Variants in VMP1 observed in about 807,000 individuals in gnomAD.
VMP1 encodes the protein vacuole membrane protein 1, also known as ectopic P-granules autophagy protein 3 homolog.
VMP1 carries 11 observed loss-of-function variants against 56.0 expected under a neutral mutation model. The observed-to-expected ratio is 0.20, with a 90% CI of 0.12 to 0.32. VMP1 has a LOEUF of 0.32. VMP1 is among the 10% of genes least tolerant of loss of function. The pLI, the probability that VMP1 is intolerant of heterozygous loss-of-function variation, is 1.00. For synonymous variants in VMP1, 149 were observed against 165.0 expected (o/e 0.90, Z 0.74); for missense variants, 296 against 490.3 (o/e 0.60, Z 3.74).
At chr17:59,814,907 G>T (rs991188524) in intron 9 of VMP1, among the ~76,000 whole-genome samples, 5 of 152,076 alleles carry the variant, frequency 3.3e-5, no homozygotes, top group Non-Finnish European at 7.4e-5. Flanking sequence ...GTAGCTTAGG[G>T]TAACAAACAT....
intron 7 of VMP1, among the ~76,000 whole-genome samples, chr17:59,785,947 C>T (rs1330905755): frequency 6.6e-6 from 1 of 151,870 alleles, no homozygotes; most frequent in Non-Finnish European, 1.5e-5. Flanking sequence ...GAAGCTAAAT[C>T]CCCAAATTAA....
At chr17:59,756,980 T>C (rs539365131) in intron 5 of VMP1, among the ~76,000 whole-genome samples, 9 of 152,280 alleles carry the variant, frequency 5.9e-5, no homozygotes, top group African/African-American at 2.2e-4. Flanking sequence ...CATGAGCCGC[T>C]GTAGTATAAA....
chr17:59,826,443 C>T (rs2038648113), intron 10 of VMP1, among the ~76,000 whole-genome samples: 1 of 152,156 alleles, frequency 6.6e-6, no homozygotes, highest in Non-Finnish European at 1.5e-5. Flanking sequence ...ATGTCTGACA[C>T]ATTTTAATTG....
rs1310049508 is a variant in VMP1 at position 59,841,140 on chromosome 17, G to A, written c.*1229G>A. ...TCAGAATAGAATAGAATTGGGGTTC[G>A]ATCTTAACAGGCCAGAAATGCCTGG... On this transcript the variant is annotated 3_prime_UTR_variant, in exon 12 of 12. Transcript: ENST00000262291. 1.1e-5 allele frequency: 3 copies of A among 282,960 alleles called. No individual in the cohort carries two copies. Among genetic ancestry groups the A allele is most frequent in the Non-Finnish European group, 2.5e-5 (3 of 122,356 alleles). The allele number at this position is 282,960 out of a possible 1,614,324, so 17.5% of individuals were successfully genotyped here.
intron 5 of VMP1, among the ~76,000 whole-genome samples, chr17:59,759,809 T>C (rs939724359): frequency 3.3e-5 from 5 of 152,104 alleles, no homozygotes; most frequent in Non-Finnish European, 7.4e-5. Context: ...AAACTGTTTG[T>C]CATATCTAAT....
At chr17:59,747,365 C>G (rs2035460331) in intron 5 of VMP1, among the ~76,000 whole-genome samples, 1 of 151,546 alleles carries the variant, frequency 6.6e-6, no homozygotes. Flanking sequence ...TAAGACCAGC[C>G]TGGGCAACAA....
chr17:59,715,024 C>A (rs2034098645), intron 1 of VMP1, among the ~76,000 whole-genome samples: 1 of 152,116 alleles, frequency 6.6e-6, no homozygotes, highest in Admixed American at 6.6e-5. Context: ...TTCTAACTAT[C>A]CTTTTACCAA....
chr17:59,789,393 G>A (rs1180490750), intron 7 of VMP1, among the ~76,000 whole-genome samples: 1 of 151,960 alleles, frequency 6.6e-6, no homozygotes, highest in Admixed American at 6.6e-5. Flanking sequence ...AAATTAGCCC[G>A]GCGTGGTGGC....
At chr17:59,802,604 C>T (rs1034308403) in intron 7 of VMP1, among the ~76,000 whole-genome samples, 2 of 152,024 alleles carry the variant, frequency 1.3e-5, no homozygotes, top group East Asian at 1.9e-4. Flanking sequence ...TTTTTTATGT[C>T]GCCCAGGCTG....
Position 59,802,741 on chromosome 17 carries a change from G to C in VMP1, c.715-6055G>C, listed in dbSNP as rs2037717771. 2.0e-5 allele frequency among the ~76,000 whole-genome samples: 3 copies of C among 151,710 alleles called. No individual in the cohort carries two copies. The South Asian group carries it at 6.3e-4, about 32-fold the overall frequency. The stretch of plus-strand genomic sequence containing the variant: ...CCACCACGCCTAGCTAATTTTCTGG[G>C]TTTGCTTTGTTTGTTTGGTTTTGAG... On this transcript the variant is annotated intron_variant, in intron 7 of 11. Transcript: ENST00000262291.
At chr17:59,710,496 C>T (rs1365769866) in intron 1 of VMP1, among the ~76,000 whole-genome samples, 1 of 152,186 alleles carries the variant, frequency 6.6e-6, no homozygotes, top group East Asian at 1.9e-4. Flanking sequence ...AGGGATCTAT[C>T]CACATACACA....
At chr17:59,739,801 T>C (rs6503938) in intron 5 of VMP1, among the ~76,000 whole-genome samples, 125,788 of 147,742 alleles carry the variant, frequency 0.85, 53,536 homozygotes, top group East Asian at 0.95. Flanking sequence ...AATGGCCAGG[T>C]GCAGTGGCTC....
intron 8 of VMP1, among the ~76,000 whole-genome samples, chr17:59,809,563 G>A (rs184056879): frequency 1.6e-5 from 2 of 126,688 alleles, no homozygotes; most frequent in Admixed American, 1.7e-4. Context: ...CGGTAGTGCA[G>A]TGGCGGGATC....
chr17:59,808,716 T>C, intron 7 of VMP1, 80 bp from the exon 8 acceptor site: 2 of 1,158,510 alleles, frequency 1.7e-6, no homozygotes, highest in Non-Finnish European at 2.5e-6. Flanking sequence ...GATTGGGAGA[T>C]CTTTAATAAA....
chr17:59,724,501 C>T (rs986884451), intron 1 of VMP1, among the ~76,000 whole-genome samples: 19 of 151,652 alleles, frequency 1.3e-4, no homozygotes, highest in African/African-American at 2.7e-4. Flanking sequence ...GACAACATGG[C>T]GAAACCCCAT....
intron 9 of VMP1, among the ~76,000 whole-genome samples, chr17:59,815,724 G>A (rs1040410590): frequency 3.3e-5 from 5 of 151,998 alleles, no homozygotes; most frequent in African/African-American, 7.3e-5. Context: ...GGGCATGGTG[G>A]CGGGCGCCTG....
chr17:59,822,344 T>C (rs78941491), intron 10 of VMP1, among the ~76,000 whole-genome samples: 1 of 150,946 alleles, frequency 6.6e-6, no homozygotes, highest in Non-Finnish European at 1.5e-5. Flanking sequence ...TTTTTTTTTT[T>C]CTGAGACAGA....
chr17:59,708,424 ACCATATGTGG>A (rs1361425364), intron 1 of VMP1, among the ~76,000 whole-genome samples: 1 of 152,046 alleles, frequency 6.6e-6, no homozygotes, highest in East Asian at 1.9e-4. Flanking sequence ...AATTCCAGAA[ACCATATGTGG>A]CCCTGTGTCA....
At chr17:59,757,242 T>TAGATAGAC (rs745857506) in intron 5 of VMP1, among the ~76,000 whole-genome samples, 2 of 25,504 alleles carry the variant, frequency 7.8e-5, no homozygotes, top group Non-Finnish European at 1.4e-4. Flanking sequence ...AGGATGGAGA[T>TAGATAGAC]AGATAGATAG....
Sources: allele counts gnomAD v4.1 joint callset (sites outside exome capture counted in the v4.1 genomes callset), GRCh38; gene constraint gnomAD v4.1.1; transcripts MANE v1.5; gene names NCBI Gene and HGNC (gene_info 2026-07-23, HGNC 2026-07-21).